Variants in ABLIM2 observed in about 807,000 individuals in gnomAD.
ABLIM2 encodes actin binding LIM protein family member 2, also known as actin-binding LIM protein 2.
In ABLIM2, 53 loss-of-function variants were observed where a neutral mutation model predicts 97.7. The ratio of observed to expected loss-of-function variants is 0.54; its 90% CI spans 0.44 to 0.68. ABLIM2 has a LOEUF of 0.68. Among genes scored for constraint, ABLIM2 ranks in the 30% least tolerant of loss-of-function variants. ABLIM2 has a pLI of 0.00. For missense variants in ABLIM2, 835 were observed against 867.2 expected (o/e 0.96, Z 0.47); for synonymous variants, 361 against 345.8 (o/e 1.04, Z -0.49).
chr4:8,100,602 T>C (rs1274306375), intron 2 of ABLIM2, among the ~76,000 whole-genome samples: 1 of 151,724 alleles, frequency 6.6e-6, no homozygotes, highest in African/African-American at 2.4e-5. Context: ...CAAAACTAGC[T>C]GGGTGTGGTG....
intron 1 of ABLIM2, among the ~76,000 whole-genome samples, chr4:8,145,105 G>A (rs556591693): frequency 6.6e-6 from 1 of 152,242 alleles, no homozygotes; most frequent in African/African-American, 2.4e-5. Flanking sequence ...CACCCCACAG[G>A]GCTTTGTGGT....
chr4:7,966,974 G>A lies in ABLIM2; in HGVS notation c.*16C>T. ...CTCGGCGCCCGGCACACACCAGTGG[G>A]GCAGGCTGGCAGCCGTCAGAACAAA... On this transcript the variant is annotated 3_prime_UTR_variant, in exon 21 of 21. Transcript: ENST00000447017. 6.2e-7 allele frequency: 1 copy of A among 1,603,808 alleles called. No individual in the cohort carries two copies. The highest frequency in any genetic ancestry group is 1.3e-5 in the African/African-American group (1 of 74,822).
intron 18 of ABLIM2, 122 bp downstream of exon 18, chr4:7,984,717 C>T: frequency 9.0e-7 from 1 of 1,115,678 alleles, no homozygotes. Context: ...CGAGGTGTCC[C>T]CGCCCGGCAC....
rs1011803014 is a variant in ABLIM2 at position 8,085,827 on chromosome 4, T to G, written c.454+2342A>C. On this transcript the variant is annotated intron_variant, in intron 4 of 20. Transcript: ENST00000447017. This position sits in a 1 kb window ranked among gnomAD's most constrained non-coding sequence, Gnocchi z 6.1. ...CACCTGCTGGAATTCAGCCTGCGTCTCCAGTTTCAGAACCAAGGCCACCTT... is the reference window on the plus strand; with the variant it reads ...CACCTGCTGGAATTCAGCCTGCGTCGCCAGTTTCAGAACCAAGGCCACCTT... Among the ~76,000 whole-genome samples, 1 of 152,222 alleles carries G rather than the reference T, an allele frequency of 6.6e-6. No individual in the cohort carries two copies. The highest frequency in any genetic ancestry group is 1.5e-5 in the Non-Finnish European group (1 of 68,032).
chr4:8,097,113 C>G lies in ABLIM2; in HGVS notation c.324G>C (p.Val108=). ...CACTTACTCACCGGCAGACGGCACA[C>G]ACGAAGCAGTCGGGGTGGTAGGTCT... ...LGKTYHPDCF[V]CAVCRLPFPP... Residue 108 remains valine, a synonymous_variant, in exon 3 of 21, where the codon GTG becomes GTC. Coordinates refer to ENST00000447017, the MANE Select transcript of ABLIM2 (RefSeq NM_001130083.2). 6.2e-7 allele frequency: 1 copy of G among 1,608,926 alleles called. No individual in the cohort carries two copies.
At chr4:8,144,812 T>C (rs1342239323) in intron 1 of ABLIM2, among the ~76,000 whole-genome samples, 1 of 152,238 alleles carries the variant, frequency 6.6e-6, no homozygotes, top group African/African-American at 2.4e-5. Flanking sequence ...GGCACCCTTT[T>C]ATCAAGAAGC....
Position 8,046,055 on chromosome 4 carries a change from CT to C in ABLIM2, c.823-815del, listed in dbSNP as rs1434560479. Among the ~76,000 whole-genome samples the C allele has an allele frequency of 2.0e-5, 3 of 152,160 alleles. No individual in the cohort carries two copies. The highest frequency in any genetic ancestry group is 4.4e-5 in the Non-Finnish European group (3 of 68,018). ...CTTAGAAATGGCCCTTCGGAGCCCC[CT>C]GGCAGCCACTCTCCCAACTGCACCT... On this transcript the variant is annotated intron_variant, in intron 8 of 20. Coordinates refer to ENST00000447017, the MANE Select transcript of ABLIM2 (RefSeq NM_001130083.2). This position sits in a 1 kb window ranked among gnomAD's most constrained non-coding sequence, Gnocchi z 4.4.
chr4:8,029,084 G>C (rs1315383896), intron 11 of ABLIM2, among the ~76,000 whole-genome samples: 1 of 151,844 alleles, frequency 6.6e-6, no homozygotes, highest in Non-Finnish European at 1.5e-5. Flanking sequence ...CCAGGCAGGG[G>C]ACAAGGTGAC....
intron 1 of ABLIM2, among the ~76,000 whole-genome samples, chr4:8,137,656 G>A (rs1047772394): frequency 2.0e-5 from 3 of 152,360 alleles, no homozygotes; most frequent in Non-Finnish European, 4.4e-5. Flanking sequence ...CTGTGGAGTC[G>A]CTCCCTGAGC....
intron 20 of ABLIM2, among the ~76,000 whole-genome samples, chr4:7,972,216 C>T (rs538750535): frequency 9.8e-5 from 15 of 152,308 alleles, no homozygotes; most frequent in Admixed American, 2.0e-4. Context: ...GGGGCAATGA[C>T]GTGGCTGTCA....
intron 1 of ABLIM2, 127 bp downstream of exon 1, chr4:8,158,553 A>C: frequency 8.1e-7 from 1 of 1,236,478 alleles, no homozygotes; most frequent in Admixed American, 2.4e-5. Flanking sequence ...TCCTGGAGCA[A>C]AAGTTGGGTG....
chr4:8,106,925 A>G (rs549941777), intron 1 of ABLIM2, among the ~76,000 whole-genome samples: 47 of 152,334 alleles, frequency 3.1e-4, no homozygotes, highest in African/African-American at 1.1e-3. Context: ...CGTGCTTCTC[A>G]TCCACATGCA....
At chr4:8,134,535 A>C (rs975383375) in intron 1 of ABLIM2, among the ~76,000 whole-genome samples, 21 of 152,372 alleles carry the variant, frequency 1.4e-4, no homozygotes, top group Admixed American at 8.5e-4. Flanking sequence ...AATGCAGACC[A>C]CATGCCCCGT....
intron 1 of ABLIM2, among the ~76,000 whole-genome samples, chr4:8,151,679 C>T (rs1712840578): frequency 6.6e-6 from 1 of 152,132 alleles, no homozygotes; most frequent in Non-Finnish European, 1.5e-5. Context: ...CCGAGGATGG[C>T]AGTGGCCCTG....
intron 7 of ABLIM2, among the ~76,000 whole-genome samples, chr4:8,056,851 G>A (rs1799508583): frequency 6.9e-6 from 1 of 144,956 alleles, no homozygotes; most frequent in Admixed American, 7.1e-5. Flanking sequence ...AGAATGGCGT[G>A]AACTCGGGAG....
chr4:8,021,016 C>T lies in ABLIM2; in HGVS notation c.1268-713G>A, dbSNP rs905632064. Among the ~76,000 whole-genome samples, 1 of 151,902 alleles carries T rather than the reference C, an allele frequency of 6.6e-6. No homozygotes were observed. The highest frequency in any genetic ancestry group is 1.5e-5 in the Non-Finnish European group (1 of 68,002). ...GGACCACAGGTGTGCACTACCACGC[C>T]TGGCTAATTTTTTTAATTTTGTAAA... On this transcript the variant is annotated intron_variant, in intron 12 of 20. Coordinates refer to ENST00000447017, the MANE Select transcript of ABLIM2 (RefSeq NM_001130083.2). The surrounding 1 kb of genome is among the most constrained non-coding windows in gnomAD (Gnocchi z 5.5).
Position 8,127,661 on chromosome 4 carries a change from G to A in ABLIM2, c.11-21024C>T. 1 of 1,278,686 alleles carries A rather than the reference G, an allele frequency of 7.8e-7. No individual in the cohort carries two copies. The highest frequency in any genetic ancestry group is 1.0e-6 in the Non-Finnish European group (1 of 980,538). The allele number at this position is 1,278,686 out of a possible 1,614,324, so 79.2% of individuals were successfully genotyped here. The stretch of plus-strand genomic sequence containing the variant: ...CACCCACGGAGGATCGGGCAGGAGT[G>A]GACCGGGGAAGAGCCTCTGTGGCCC... On this transcript the variant is annotated intron_variant, in intron 1 of 20. Transcript: ENST00000447017. This position sits in a 1 kb window ranked among gnomAD's most constrained non-coding sequence, Gnocchi z 7.3.
Position 8,123,811 on chromosome 4 carries a change from C to T in ABLIM2, c.11-17174G>A, listed in dbSNP as rs565924925. 1.2e-4 allele frequency among the ~76,000 whole-genome samples: 18 copies of T among 152,268 alleles called. No individual in the cohort carries two copies. Among genetic ancestry groups the T allele is most frequent in the African/African-American group, 3.4e-4 (14 of 41,558 alleles). ...GGGGTGACAAGGTCCTGGCTCCACC[C>T]GGACAGGCCAAGAGGAGGGGCAGGA... On this transcript the variant is annotated intron_variant, in intron 1 of 20. Transcript: ENST00000447017. This position sits in a 1 kb window ranked among gnomAD's most constrained non-coding sequence, Gnocchi z 6.2.
intron 1 of ABLIM2, among the ~76,000 whole-genome samples, chr4:8,129,381 G>C (rs903961899): frequency 1.3e-5 from 2 of 152,192 alleles, no homozygotes; most frequent in African/African-American, 4.8e-5. Flanking sequence ...CAGCTTGCGC[G>C]GCCCCTGCGC....
Sources: gnomAD v4.1 joint callset for allele counts (sites outside exome capture counted in the v4.1 genomes callset) on GRCh38, gnomAD v4.1.1 for gene constraint, Gnocchi (gnomAD v3.1) non-coding constraint, MANE v1.5 for transcripts, NCBI Gene and HGNC (gene_info 2026-07-23, HGNC 2026-07-21) for gene names.